The following SV2C variants were observed in gnomAD, a reference collection of about 807,000 sequenced individuals.
SV2C encodes solute carrier family 22 member B3.
Under a neutral mutation model 79.7 loss-of-function variants are expected in SV2C, and 49 were observed. The ratio of observed to expected loss-of-function variants is 0.61; its 90% CI spans 0.49 to 0.78. The LOEUF (loss-of-function observed/expected upper bound fraction) is 0.78. Among genes scored for constraint, SV2C ranks in the 30% least tolerant of loss-of-function variants. SV2C has a pLI of 0.00. For synonymous variants in SV2C, 334 were observed against 333.2 expected, an observed-to-expected ratio of 1.00 and a Z score of -0.03; for missense variants, 833 against 912.9, an observed-to-expected ratio of 0.91 and a Z score of 1.13.
intron 2 of SV2C, among the ~76,000 whole-genome samples, chr5:76,184,708 T>C (rs2112307666): frequency 1.3e-5 from 2 of 152,200 alleles, no homozygotes; most frequent in East Asian, 3.9e-4. Flanking sequence ...AGGAAGCCAC[T>C]CCCATGATTC....
At chr5:75,945,691 C>T in the SV2C span, among the ~76,000 whole-genome samples, 3 of 151,894 alleles carry the variant, frequency 2.0e-5, no homozygotes, top group Non-Finnish European at 2.9e-5. Context: ...ATAGAACAAA[C>T]CTTGACAAAT....
the SV2C span, among the ~76,000 whole-genome samples, chr5:76,027,059 CTTTT>C: frequency 8.2e-6 from 1 of 122,208 alleles, no homozygotes; most frequent in South Asian, 2.6e-4. Context: ...TTTCAGTTGT[CTTTT>C]TTTTTTTTTT....
chr5:76,062,635 A>C, the SV2C span, among the ~76,000 whole-genome samples: 1 of 152,174 alleles, frequency 6.6e-6, no homozygotes, highest in East Asian at 1.9e-4. Context: ...AAAAAAAAAA[A>C]AACTGTGTAA....
chr5:76,169,143 A>G lies in SV2C; in HGVS notation c.581-25776A>G, dbSNP rs898819146. Among the ~76,000 whole-genome samples the G allele has an allele frequency of 2.6e-5, 4 of 152,250 alleles. No homozygotes were observed. In the East Asian group the frequency reaches 5.8e-4, roughly 22 times the overall value. On this transcript the variant is annotated intron_variant, in intron 2 of 12. Coordinates refer to ENST00000502798, the MANE Select transcript of SV2C (RefSeq NM_014979.4). ...ACTGGACAAAGTAGAAGAATGAACA[A>G]TTATCCCATCAAACACTTTGGAGGA...
intron 12 of SV2C, among the ~76,000 whole-genome samples, chr5:76,349,038 C>G (rs1159616467): frequency 6.6e-6 from 1 of 151,818 alleles, no homozygotes; most frequent in Non-Finnish European, 1.5e-5. Flanking sequence ...AGCCAAATTT[C>G]CTGGGTCCAT....
chr5:76,350,408 G>A (rs1347289544), intron 12 of SV2C, among the ~76,000 whole-genome samples: 1 of 152,168 alleles, frequency 6.6e-6, no homozygotes, highest in African/African-American at 2.4e-5. Flanking sequence ...TATTTTCCTG[G>A]GGCCTCAGGA....
chr5:76,287,398 A>G (rs1443097102), intron 6 of SV2C, among the ~76,000 whole-genome samples: 1 of 152,208 alleles, frequency 6.6e-6, no homozygotes, highest in East Asian at 1.9e-4. Flanking sequence ...CCAAAAATAT[A>G]TATTTCATTT....
chr5:75,912,535 C>A, the SV2C span, among the ~76,000 whole-genome samples: 1 of 152,104 alleles, frequency 6.6e-6, no homozygotes, highest in Non-Finnish European at 1.5e-5. Context: ...ATAGAAAACC[C>A]CCCACAACTC....
chr5:76,022,095 G>A, the SV2C span, among the ~76,000 whole-genome samples: 1 of 152,270 alleles, frequency 6.6e-6, no homozygotes, highest in East Asian at 1.9e-4. Context: ...AGAAATTGAA[G>A]CTTACAGCAC....
chr5:76,260,071 A>G (rs774283870), intron 4 of SV2C, among the ~76,000 whole-genome samples: 10 of 152,196 alleles, frequency 6.6e-5, no homozygotes, highest in South Asian at 4.1e-4. Context: ...ACAGTGTAAA[A>G]GCATTGCTAT....
chr5:75,968,152 C>T, the SV2C span, among the ~76,000 whole-genome samples: 1 of 152,062 alleles, frequency 6.6e-6, no homozygotes, highest in African/African-American at 2.4e-5. Context: ...GAAGGACATC[C>T]ACACCAAAAA....
intron 4 of SV2C, among the ~76,000 whole-genome samples, chr5:76,250,401 G>A (rs540775477): frequency 9.2e-5 from 14 of 152,138 alleles, no homozygotes; most frequent in Non-Finnish European, 1.8e-4. Flanking sequence ...TTGGCACACT[G>A]TGGTTTATTG....
the SV2C span, among the ~76,000 whole-genome samples, chr5:75,972,277 A>G: frequency 6.6e-6 from 1 of 152,134 alleles, no homozygotes; most frequent in Non-Finnish European, 1.5e-5. Flanking sequence ...CAAGGACTTC[A>G]TGTCTAAAAC....
the SV2C span, among the ~76,000 whole-genome samples, chr5:76,077,369 T>C: frequency 6.6e-6 from 1 of 152,210 alleles, no homozygotes; most frequent in Admixed American, 6.5e-5. Flanking sequence ...AAAGGAAGGA[T>C]GAACCAATAG....
chr5:76,184,792 G>A (rs1350857981), intron 2 of SV2C, among the ~76,000 whole-genome samples: 2 of 152,186 alleles, frequency 1.3e-5, no homozygotes, highest in Non-Finnish European at 2.9e-5. Flanking sequence ...TGGGGACACA[G>A]AGCCAAAGCA....
the SV2C span, among the ~76,000 whole-genome samples, chr5:76,048,110 C>T: frequency 1.3e-5 from 2 of 152,104 alleles, no homozygotes; most frequent in East Asian, 3.8e-4. Flanking sequence ...ACAATAAATA[C>T]ATACAATTTT....
At chr5:76,299,555 C>T (rs781712142) in intron 10 of SV2C, among the ~76,000 whole-genome samples, 1 of 152,164 alleles carries the variant, frequency 6.6e-6, no homozygotes, top group African/African-American at 2.4e-5. Context: ...AAAGCCTGTG[C>T]CTTCCACTTT....
At chr5:76,237,323 A>T (rs908885746) in intron 4 of SV2C, among the ~76,000 whole-genome samples, 6 of 152,160 alleles carry the variant, frequency 3.9e-5, no homozygotes, top group African/African-American at 1.4e-4. Context: ...CTGGTTTTCT[A>T]TGTGTGTTTC....
At chr5:76,293,075 C>G (rs139748006) in intron 8 of SV2C, among the ~76,000 whole-genome samples, 214 of 152,274 alleles carry the variant, frequency 1.4e-3, no homozygotes, top group African/African-American at 4.9e-3. Context: ...GTCAGGAGAC[C>G]TAGCAGCCCA....
Sources: gnomAD v4.1 joint callset for allele counts (sites outside exome capture counted in the v4.1 genomes callset) on GRCh38, gnomAD v4.1.1 for gene constraint, MANE v1.5 for transcripts, NCBI Gene and HGNC (gene_info 2026-07-23, HGNC 2026-07-21) for gene names.